Variants in USH2A observed in about 807,000 individuals in gnomAD.
USH2A encodes the protein usherin.
USH2A carries 443 observed loss-of-function variants against 538.9 expected under a neutral mutation model. The ratio of observed to expected loss-of-function variants is 0.82; its 90% CI spans 0.76 to 0.89. USH2A has a LOEUF of 0.89. Ranked by LOEUF, USH2A falls within the 40% of genes least tolerant of loss-of-function variation. USH2A has a pLI of 0.00. For synonymous variants in USH2A, 2,413 were observed against 2,273.5 expected (o/e 1.06, Z -1.75); for missense variants, 6,633 against 6,324.8 (o/e 1.05, Z -1.65).
rs143402570 is a variant in USH2A, at chr1:215,978,328, C to T, written c.6806-7552G>A. 3.5e-3 allele frequency among the ~76,000 whole-genome samples: 528 copies of T among 152,204 alleles called. 2 individuals carry two copies. Among genetic ancestry groups the T allele is most frequent in the Middle Eastern group, 0.01 (3 of 294 alleles). ...ACAAATATAAATTTAGTTGTGGAAA[C>T]TGGCCATCTTACCCCACTCTGGTCA... is the stretch of plus-strand genomic sequence containing the variant. On this transcript the variant is annotated intron_variant, in intron 35 of 71. Transcript: ENST00000307340.
At chr1:215,740,972 T>G (rs111772137) in intron 60 of USH2A, among the ~76,000 whole-genome samples, 84 of 152,240 alleles carry the variant, frequency 5.5e-4, no homozygotes, top group African/African-American at 2.0e-3. Flanking sequence ...TAATGCTTGC[T>G]CACCAGCCAC....
At chr1:216,405,442 C>T (rs916633303) in intron 3 of USH2A, among the ~76,000 whole-genome samples, 11 of 152,102 alleles carry the variant, frequency 7.2e-5, no homozygotes, top group African/African-American at 2.7e-4. Context: ...ATATGCTGAA[C>T]ACCATTAGTC....
intron 30 of USH2A, among the ~76,000 whole-genome samples, chr1:216,050,757 A>C (rs1291566355): frequency 6.6e-6 from 1 of 150,696 alleles, no homozygotes; most frequent in African/African-American, 2.4e-5. Context: ...GGCGCCCGCC[A>C]CCACGCCCGG....
At chr1:215,917,747 G>T (rs551433982) in intron 38 of USH2A, among the ~76,000 whole-genome samples, 1 of 124,928 alleles carries the variant, frequency 8.0e-6, no homozygotes, top group South Asian at 2.5e-4. Context: ...AGTTTGAGAC[G>T]AGTCTGAGTA....
chr1:215,957,642 A>G (rs1157564210), intron 37 of USH2A, among the ~76,000 whole-genome samples: 1 of 152,172 alleles, frequency 6.6e-6, no homozygotes, highest in African/African-American at 2.4e-5. Flanking sequence ...GACAAGCCAC[A>G]TTACGCCGTT....
chr1:216,363,741 G>A (rs1318635582), intron 4 of USH2A, among the ~76,000 whole-genome samples: 1 of 151,682 alleles, frequency 6.6e-6, no homozygotes, highest in Non-Finnish European at 1.5e-5. Context: ...CAATTGCATA[G>A]AATACAGCCA....
At chr1:215,713,959 C>T (rs1380353734) in intron 61 of USH2A, among the ~76,000 whole-genome samples, 1 of 152,190 alleles carries the variant, frequency 6.6e-6, no homozygotes, top group Non-Finnish European at 1.5e-5. Context: ...GCTACTTAAC[C>T]TCTCTGAGTT....
intron 60 of USH2A, among the ~76,000 whole-genome samples, chr1:215,729,291 G>A (rs917525091): frequency 2.0e-5 from 3 of 152,120 alleles, no homozygotes; most frequent in Admixed American, 1.3e-4. Flanking sequence ...TTGTTCCCAG[G>A]ATGTTTACAA....
chr1:215,630,506 ATATATATATATATATATATAT>A (rs1389365639), intron 70 of USH2A, among the ~76,000 whole-genome samples: 1 of 135,096 alleles, frequency 7.4e-6, no homozygotes, highest in African/African-American at 2.8e-5. Flanking sequence ...ATATATATAT[ATATATATATATATATATATAT>A]GAGAGAGAGA....
intron 41 of USH2A, among the ~76,000 whole-genome samples, chr1:215,881,143 T>G (rs142458428): frequency 1.3e-5 from 2 of 151,914 alleles, no homozygotes; most frequent in African/African-American, 4.8e-5. Flanking sequence ...TGTGTTCAAG[T>G]TTTTTCTTTT....
At chr1:216,103,721 A>C (rs911404167) in intron 21 of USH2A, among the ~76,000 whole-genome samples, 12 of 152,210 alleles carry the variant, frequency 7.9e-5, no homozygotes, top group Non-Finnish European at 7.3e-5. Flanking sequence ...AAGCCAAGCA[A>C]CCCAATAGAA....
intron 56 of USH2A, among the ~76,000 whole-genome samples, chr1:215,763,509 G>T (rs1447470811): frequency 6.6e-6 from 1 of 152,142 alleles, no homozygotes; most frequent in Non-Finnish European, 1.5e-5. Flanking sequence ...TGTGGGCAAG[G>T]ATGGCAGGAC....
At chr1:216,244,403 G>C (rs1162288650) in intron 13 of USH2A, among the ~76,000 whole-genome samples, 1 of 152,038 alleles carries the variant, frequency 6.6e-6, no homozygotes, top group African/African-American at 2.4e-5. Context: ...ACCCATTTTT[G>C]GTAACCCTAC....
chr1:216,418,038 C>T (rs2102783101), intron 3 of USH2A, among the ~76,000 whole-genome samples: 1 of 152,104 alleles, frequency 6.6e-6, no homozygotes, highest in Non-Finnish European at 1.5e-5. Context: ...CTTTTGAGTG[C>T]CTCAAGTGTA....
At position 216,190,184 on chromosome 1, in the gene USH2A, T is replaced by C. The variant is rs766278012; in HGVS notation, c.4396+39A>G. The C allele has an allele frequency of 2.4e-5, 39 of 1,610,868 alleles. No individual in the cohort carries two copies. In the Middle Eastern group the frequency reaches 5.0e-4, roughly 20 times the overall value. On this transcript the variant is annotated intron_variant, in intron 20 of 71. Coordinates refer to ENST00000307340, the MANE Select transcript of USH2A (RefSeq NM_206933.4). ...GAATATTATAAGTTTTTTTTCTTGA[T>C]AGGCAACAGATTTTTCATATCCATT... is the stretch of plus-strand genomic sequence containing the variant.
intron 44 of USH2A, among the ~76,000 whole-genome samples, chr1:215,851,969 C>T (rs1664029998): frequency 6.6e-6 from 1 of 152,026 alleles, no homozygotes; most frequent in Non-Finnish European, 1.5e-5. Context: ...GCAGAGAAAG[C>T]CTTTGACAAA....
chr1:216,003,130 C>T (rs551990096), intron 32 of USH2A, among the ~76,000 whole-genome samples: 12 of 151,860 alleles, frequency 7.9e-5, no homozygotes, highest in Non-Finnish European at 5.9e-5. Context: ...GGGCAGGGGG[C>T]GGTCAGGATG....
chr1:216,329,382 G>A (rs971160941), intron 4 of USH2A, among the ~76,000 whole-genome samples: 1 of 152,116 alleles, frequency 6.6e-6, no homozygotes, highest in Non-Finnish European at 1.5e-5. Context: ...GTCATTCTTA[G>A]AAGAAAGATG....
chr1:215,945,018 A>C (rs1275260764), intron 37 of USH2A, among the ~76,000 whole-genome samples: 10 of 152,138 alleles, frequency 6.6e-5, no homozygotes. Context: ...CAAATAATGA[A>C]TTACGGAAAG....
Sources: allele counts gnomAD v4.1 joint callset (sites outside exome capture counted in the v4.1 genomes callset), GRCh38; gene constraint gnomAD v4.1.1; transcripts MANE v1.5; gene names NCBI Gene and HGNC (gene_info 2026-07-23, HGNC 2026-07-21).